The following SLC23A2 variants were observed in gnomAD, a reference collection of about 807,000 sequenced individuals.
SLC23A2 encodes Na(+)/L-ascorbic acid transporter 2.
SLC23A2 carries 36 observed loss-of-function variants against 73.3 expected under a neutral mutation model. The ratio of observed to expected loss-of-function variants is 0.49; its 90% confidence interval spans 0.38 to 0.65. The LOEUF (loss-of-function observed/expected upper bound fraction) is 0.65, where lower values mean the gene tolerates loss of function less well. Among genes scored for constraint, SLC23A2 ranks in the 30% least tolerant of loss-of-function variants. SLC23A2 has a pLI of 0.00. For synonymous variants in SLC23A2, 343 were observed against 327.3 expected, an observed-to-expected ratio of 1.05 and a Z score of -0.52; for missense variants, 507 against 841.6, an observed-to-expected ratio of 0.60 and a Z score of 4.92.
intron 2 of SLC23A2, among the ~76,000 whole-genome samples, chr20:4,934,195 T>A (rs1239535194): frequency 6.6e-6 from 1 of 152,178 alleles, no homozygotes; most frequent in East Asian, 1.9e-4. Context: ...TCCACATTCA[T>A]TTAAAGCAGT....
chr20:4,867,938 T>A (rs979331407), intron 12 of SLC23A2, 63 bp from the exon 13 acceptor site: 1 of 956,664 alleles, frequency 1.0e-6, no homozygotes, highest in Non-Finnish European at 1.7e-6. Context: ...CACTCTGAAA[T>A]AGCCTCTACA....
intron 2 of SLC23A2, among the ~76,000 whole-genome samples, chr20:4,959,453 A>G (rs1438133948): frequency 6.6e-6 from 1 of 152,188 alleles, no homozygotes; most frequent in Non-Finnish European, 1.5e-5. Flanking sequence ...CCTTACGTTC[A>G]GACAAGAACA....
chr20:4,955,989 A>G (rs2122160995), intron 2 of SLC23A2, among the ~76,000 whole-genome samples: 1 of 152,284 alleles, frequency 6.6e-6, no homozygotes, highest in South Asian at 2.1e-4. Context: ...AAAATTATCA[A>G]TAGCTCAATT....
intron 4 of SLC23A2, among the ~76,000 whole-genome samples, chr20:4,910,379 G>GAAA (rs373996937): frequency 2.3e-5 from 3 of 128,206 alleles, no homozygotes; most frequent in Admixed American, 7.8e-5. Context: ...TCTGTCTCAA[G>GAAA]AAAAAAAAAA....
intron 6 of SLC23A2, among the ~76,000 whole-genome samples, chr20:4,895,898 GA>G (rs1286415261): frequency 6.6e-6 from 1 of 152,206 alleles, no homozygotes; most frequent in Non-Finnish European, 1.5e-5. Flanking sequence ...TGCTGGATGG[GA>G]ACAGCGCATA....
intron 4 of SLC23A2, among the ~76,000 whole-genome samples, chr20:4,912,636 T>G: frequency 7.0e-6 from 1 of 142,478 alleles, no homozygotes; most frequent in African/African-American, 2.7e-5. Flanking sequence ...TCCTCCTCTA[T>G]GGTTCTCACC....
chr20:4,986,689 C>CACACACACACACACACACAG lies in SLC23A2; in HGVS notation c.-282+14716_-282+14717insCTGTGTGTGTGTGTGTGTGT, dbSNP rs71197739. On this transcript the variant is annotated intron_variant, in intron 1 of 16. Transcript: ENST00000338244. Reference sequence around the variant, plus strand: ...ACACACACACACACACACACACACACAGAGATGAATATAAATAGAGAGAAG... The same window carrying CACACACACACACACACACAG: ...ACACACACACACACACACACACACACACACACACACACACACACAGAGAGATGAATATAAATAGAGAGAAG... Among the ~76,000 whole-genome samples the CACACACACACACACACACAG allele has an allele frequency of 6.2e-5, 8 of 129,962 alleles. No individual in the cohort carries two copies. In the South Asian group the frequency reaches 8.3e-4, roughly 14 times the overall value. The allele number at this position is 129,962 out of a possible 152,430, so 85.3% of individuals were successfully genotyped here.
chr20:4,971,299 A>AACACACAC (rs35758430), intron 1 of SLC23A2, among the ~76,000 whole-genome samples: 33 of 142,422 alleles, frequency 2.3e-4, no homozygotes, highest in Middle Eastern at 3.2e-3. Flanking sequence ...GTCTCTACAA[A>AACACACAC]ACACACACAC....
chr20:4,918,014 T>C (rs1053006343), intron 3 of SLC23A2, among the ~76,000 whole-genome samples: 70 of 152,354 alleles, frequency 4.6e-4, no homozygotes, highest in Admixed American at 2.5e-3. Flanking sequence ...AATCAAATGG[T>C]AAAAATCAGT....
chr20:4,993,320 A>AG (rs1304005061), intron 1 of SLC23A2, among the ~76,000 whole-genome samples: 1 of 151,288 alleles, frequency 6.6e-6, no homozygotes, highest in Non-Finnish European at 1.5e-5. Flanking sequence ...AAAAAAAAAA[A>AG]AAGGAAACGC....
intron 16 of SLC23A2, among the ~76,000 whole-genome samples, chr20:4,858,330 C>T (rs1929820045): frequency 6.6e-6 from 1 of 152,178 alleles, no homozygotes. Flanking sequence ...TATATCTAAG[C>T]TCTGCTCTCT....
chr20:4,877,895 C>T (rs1177921280), intron 9 of SLC23A2, among the ~76,000 whole-genome samples: 2 of 152,264 alleles, frequency 1.3e-5, no homozygotes, highest in Non-Finnish European at 2.9e-5. Flanking sequence ...CACTAACCTT[C>T]CCTGAGACTC....
intron 6 of SLC23A2, among the ~76,000 whole-genome samples, chr20:4,892,659 C>G (rs543259632): frequency 1.3e-5 from 2 of 152,140 alleles, no homozygotes; most frequent in African/African-American, 2.4e-5. Context: ...CAATGTTTAC[C>G]CTAAATCAAC....
At position 4,998,195 on chromosome 20, in the gene SLC23A2, G is replaced by A. The variant is rs144900430; in HGVS notation, c.-282+3211C>T. On this transcript the variant is annotated intron_variant, in intron 1 of 16. Transcript: ENST00000338244. The surrounding 1 kb of genome is among the most constrained non-coding windows in gnomAD (Gnocchi z 4.1). ...CTCCCATCCCCACACTTAATCCCCC[G>A]AGCCTTGTCAGATTCCTCTTCACAG... Among the ~76,000 whole-genome samples, 523 of 152,044 alleles carry A rather than the reference G, an allele frequency of 3.4e-3. 4 individuals carry two copies. The highest frequency in any genetic ancestry group is 0.012 in the African/African-American group (483 of 41,476).
chr20:4,909,485 AT>A (rs113531591), intron 4 of SLC23A2, among the ~76,000 whole-genome samples: 132 of 149,564 alleles, frequency 8.8e-4, no homozygotes, highest in Non-Finnish European at 1.6e-3. Flanking sequence ...AATGAATGTC[AT>A]TTTTTTTTTG....
Position 4,949,894 on chromosome 20 carries a change from G to A in SLC23A2, c.-154-17178C>T, listed in dbSNP as rs6052980. Among the ~76,000 whole-genome samples the A allele has an allele frequency of 2.4e-3, 364 of 152,254 alleles. 3 individuals are homozygous for A. The highest frequency in any genetic ancestry group is 8.6e-3 in the African/African-American group (357 of 41,542). On this transcript the variant is annotated intron_variant, in intron 2 of 16. Transcript: ENST00000338244. ...CACAGAAATGTCCTCTAATCAGTGC[G>A]TCACCCACCACTTCTGTGCCGGTGT...
At chr20:4,889,775 A>G (rs563131610) in intron 6 of SLC23A2, among the ~76,000 whole-genome samples, 2 of 152,122 alleles carry the variant, frequency 1.3e-5, no homozygotes, top group South Asian at 4.2e-4. Flanking sequence ...TTGACCCACC[A>G]TGTATCCTCA....
intron 4 of SLC23A2, among the ~76,000 whole-genome samples, chr20:4,912,374 A>G (rs1932187246): frequency 6.6e-6 from 1 of 152,104 alleles, no homozygotes; most frequent in Admixed American, 6.5e-5. Flanking sequence ...GATTTCCCTT[A>G]TTCTCTTATT....
intron 12 of SLC23A2, chr20:4,869,614 A>G: frequency 3.0e-6 from 1 of 329,004 alleles, no homozygotes; most frequent in East Asian, 5.8e-5. Flanking sequence ...TTTGAATTTA[A>G]GGCTTACAGT....
Sources: allele counts gnomAD v4.1 joint callset (sites outside exome capture counted in the v4.1 genomes callset), GRCh38; gene constraint gnomAD v4.1.1; non-coding constraint Gnocchi (gnomAD v3.1); transcripts MANE v1.5; gene names NCBI Gene and HGNC (gene_info 2026-07-23, HGNC 2026-07-21).